The following PARD3 variants were observed in gnomAD, a reference collection of about 807,000 sequenced individuals.
PARD3 encodes the protein par-3 family cell polarity regulator, also known as partitioning defective 3 homolog.
PARD3 carries 75 observed loss-of-function variants against 155.4 expected under a neutral mutation model. The ratio of observed to expected loss-of-function variants is 0.48; its 90% confidence interval spans 0.40 to 0.58. The LOEUF (loss-of-function observed/expected upper bound fraction) is 0.58, where lower values mean the gene tolerates loss of function less well. Ranked by LOEUF, PARD3 falls within the 20% of genes least tolerant of loss-of-function variation. The pLI, the probability that PARD3 is intolerant of heterozygous loss-of-function variation, is 0.00. For synonymous variants in PARD3, 576 were observed against 610.5 expected (o/e 0.94, Z 0.83); for missense variants, 1,642 against 1,721.7 (o/e 0.95, Z 0.82).
intron 22 of PARD3, among the ~76,000 whole-genome samples, chr10:34,190,500 A>G (rs1950656990): frequency 6.6e-6 from 1 of 152,182 alleles, no homozygotes; most frequent in Non-Finnish European, 1.5e-5. Flanking sequence ...ATCAACAGAT[A>G]TTTACCCAAA....
rs143744114 is a variant in PARD3, at chr10:34,732,604, G to A, written c.121-36185C>T. 5.5e-3 allele frequency among the ~76,000 whole-genome samples: 842 copies of A among 152,130 alleles called. 8 individuals are homozygous for A. Among genetic ancestry groups the A allele is most frequent in the African/African-American group, 0.019 (800 of 41,520 alleles). ...TTCCAGCTGTTTGGGAGGCTGAGGCGGGAGGGTTGCTTGAACCCAGGAGTT... is the reference window on the plus strand; with the variant it reads ...TTCCAGCTGTTTGGGAGGCTGAGGCAGGAGGGTTGCTTGAACCCAGGAGTT... On this transcript the variant is annotated intron_variant, in intron 1 of 24. Coordinates refer to ENST00000374788, the MANE Select transcript of PARD3 (RefSeq NM_001184785.2).
intron 14 of PARD3, among the ~76,000 whole-genome samples, chr10:34,350,227 A>G (rs1837897440): frequency 6.6e-6 from 1 of 152,204 alleles, no homozygotes. Context: ...GAAATGTGTC[A>G]GAGGGGGCAC....
chr10:34,723,236 T>C (rs969798563), intron 1 of PARD3, among the ~76,000 whole-genome samples: 2 of 152,154 alleles, frequency 1.3e-5, no homozygotes, highest in East Asian at 1.9e-4. Flanking sequence ...CCCAGCTACT[T>C]GGGAGGCTGC....
chr10:34,578,344 C>T lies in PARD3; in HGVS notation c.223-61185G>A, dbSNP rs146252439. Among the ~76,000 whole-genome samples, 443 of 152,322 alleles carry T rather than the reference C, an allele frequency of 2.9e-3. 1 individual carries two copies. Among genetic ancestry groups the T allele is most frequent in the African/African-American group, 9.7e-3 (403 of 41,586 alleles). On this transcript the variant is annotated intron_variant, in intron 2 of 24. Transcript: ENST00000374788. ...GCATGCGAGCGTTGTTTATATCCTA[C>T]TGCTCAAAGTCATTGTCAAGGTCTG...
At chr10:34,515,801 C>T (rs576294284) in intron 3 of PARD3, among the ~76,000 whole-genome samples, 1 of 151,768 alleles carries the variant, frequency 6.6e-6, no homozygotes, top group East Asian at 1.9e-4. Flanking sequence ...TATTATCTAC[C>T]TATATTCTGT....
At chr10:34,518,913 T>A (rs770754222) in intron 2 of PARD3, among the ~76,000 whole-genome samples, 22 of 152,216 alleles carry the variant, frequency 1.4e-4, no homozygotes, top group Non-Finnish European at 2.8e-4. Context: ...GCCACTGCTG[T>A]ACCCAGGTTA....
chr10:34,234,576 T>C (rs372241871), intron 22 of PARD3, among the ~76,000 whole-genome samples: 27 of 152,184 alleles, frequency 1.8e-4, no homozygotes, highest in African/African-American at 6.5e-4. Context: ...AATGACTTCT[T>C]TGCATCCTTC....
At chr10:34,676,057 G>C (rs962272133) in intron 2 of PARD3, 1 of 152,692 alleles carries the variant, frequency 6.5e-6, no homozygotes, top group Non-Finnish European at 1.5e-5. Context: ...CAGGCCACAG[G>C]TAACGAGTGA....
chr10:34,477,461 G>T (rs2078792710), intron 3 of PARD3, among the ~76,000 whole-genome samples: 2 of 152,192 alleles, frequency 1.3e-5, no homozygotes, highest in South Asian at 2.1e-4. Context: ...TTGAAGAGGG[G>T]ATAAAACAGC....
chr10:34,310,299 T>C (rs748411281), intron 20 of PARD3, among the ~76,000 whole-genome samples: 7 of 152,226 alleles, frequency 4.6e-5, no homozygotes, highest in Non-Finnish European at 5.9e-5. Flanking sequence ...GGTGCGATAG[T>C]ATTTATTTAC....
At chr10:34,568,247 A>G (rs2086117788) in intron 2 of PARD3, among the ~76,000 whole-genome samples, 1 of 152,340 alleles carries the variant, frequency 6.6e-6, no homozygotes, top group East Asian at 1.9e-4. Flanking sequence ...TTACCCTGCT[A>G]AAGTTAGTAC....
At chr10:34,754,429 G>A (rs1006797873) in intron 1 of PARD3, among the ~76,000 whole-genome samples, 2 of 152,130 alleles carry the variant, frequency 1.3e-5, no homozygotes, top group Non-Finnish European at 2.9e-5. Flanking sequence ...GAAACATCAC[G>A]TGCTTTGTCC....
chr10:34,177,584 A>G (rs1408938172), intron 22 of PARD3, among the ~76,000 whole-genome samples: 1 of 152,206 alleles, frequency 6.6e-6, no homozygotes. Flanking sequence ...CTAGCTTTCA[A>G]GTCTGACCTT....
chr10:34,675,510 C>G (rs2093688552), intron 2 of PARD3: 1 of 152,168 alleles, frequency 6.6e-6, no homozygotes, highest in South Asian at 2.1e-4. Context: ...TAAACTGAAC[C>G]TCTCACCCAG....
At chr10:34,525,106 G>C (rs1232225146) in intron 2 of PARD3, among the ~76,000 whole-genome samples, 1 of 152,116 alleles carries the variant, frequency 6.6e-6, no homozygotes, top group African/African-American at 2.4e-5. Flanking sequence ...TGTTTAACTG[G>C]ACGAGTAAGC....
At chr10:34,344,280 GTTTT>G (rs34595794) in intron 15 of PARD3, 1,267 of 869,734 alleles carry the variant, frequency 1.5e-3, no homozygotes, top group South Asian at 2.0e-3. Context: ...GTTTGTTTTT[GTTTT>G]TTTTTTTTTT....
chr10:34,726,528 A>G, intron 1 of PARD3, among the ~76,000 whole-genome samples: 1 of 152,150 alleles, frequency 6.6e-6, no homozygotes, highest in Non-Finnish European at 1.5e-5. Context: ...GGTTGCAGTG[A>G]GCCAAGATTG....
At chr10:34,210,153 A>G (rs1412035562) in intron 22 of PARD3, among the ~76,000 whole-genome samples, 3 of 152,230 alleles carry the variant, frequency 2.0e-5, no homozygotes, top group Non-Finnish European at 4.4e-5. Flanking sequence ...TATAACATAT[A>G]AACACCTATC....
chr10:34,202,145 C>G (rs1472785594), intron 22 of PARD3: 1 of 152,250 alleles, frequency 6.6e-6, no homozygotes, highest in African/African-American at 2.4e-5. Flanking sequence ...GTGATCACAG[C>G]TCACTGCAGC....
Sources: gnomAD v4.1 joint callset for allele counts (sites outside exome capture counted in the v4.1 genomes callset) on GRCh38, gnomAD v4.1.1 for gene constraint, MANE v1.5 for transcripts, NCBI Gene and HGNC (gene_info 2026-07-23, HGNC 2026-07-21) for gene names.